The following ARK2C variants were observed in gnomAD, a reference collection of about 807,000 sequenced individuals.
ARK2C encodes the protein arkadia (RNF111) C-terminal like ring finger ubiquitin ligase 2C.
the ARK2C span, chr18:46,447,625 A>G: frequency 6.2e-7 from 1 of 1,613,978 alleles, no homozygotes; most frequent in Non-Finnish European, 8.5e-7. Context: ...ATCCCTCAGC[A>G]CTATCAGCAT....
the ARK2C span, among the ~76,000 whole-genome samples, chr18:46,394,279 G>A: frequency 7.9e-5 from 12 of 152,204 alleles, no homozygotes; most frequent in Admixed American, 2.6e-4. Flanking sequence ...GAGAGCCCTG[G>A]CCTGGGAATC....
At chr18:46,397,488 G>A in the ARK2C span, among the ~76,000 whole-genome samples, 3 of 120,936 alleles carry the variant, frequency 2.5e-5, no homozygotes, top group Non-Finnish European at 3.6e-5. Flanking sequence ...TGAGGTGTGA[G>A]GGTGTGTGTG....
the ARK2C span, among the ~76,000 whole-genome samples, chr18:46,454,123 A>G: frequency 7.3e-5 from 11 of 150,272 alleles, no homozygotes; most frequent in African/African-American, 2.5e-4. Context: ...AAAAAAAAAA[A>G]AAAAAAAAAA....
chr18:46,407,414 T>C, the ARK2C span, among the ~76,000 whole-genome samples: 2 of 152,232 alleles, frequency 1.3e-5, no homozygotes, highest in African/African-American at 2.4e-5. Flanking sequence ...TTGTGACATA[T>C]TGTCGTCATC....
chr18:46,436,760 C>G, the ARK2C span, among the ~76,000 whole-genome samples: 1 of 152,230 alleles, frequency 6.6e-6, no homozygotes, highest in African/African-American at 2.4e-5. Flanking sequence ...GCACTACAGC[C>G]AACTTCTGCC....
chr18:46,443,356 T>G, the ARK2C span, among the ~76,000 whole-genome samples: 1 of 152,208 alleles, frequency 6.6e-6, no homozygotes, highest in Non-Finnish European at 1.5e-5. Flanking sequence ...TTTACAATAT[T>G]CCTATTTAGC....
At chr18:46,456,163 G>A in the ARK2C span, 50 of 881,500 alleles carry the variant, frequency 5.7e-5, no homozygotes, top group East Asian at 1.2e-3. Flanking sequence ...CTGGGAGTTG[G>A]GGTGCTTGTT....
At chr18:46,359,867 C>A in the ARK2C span, among the ~76,000 whole-genome samples, 1 of 152,196 alleles carries the variant, frequency 6.6e-6, no homozygotes, top group Non-Finnish European at 1.5e-5. Context: ...AACTAAGGCA[C>A]TTCCTAGAAA....
chr18:46,339,531 G>C, the ARK2C span, among the ~76,000 whole-genome samples: 5 of 152,154 alleles, frequency 3.3e-5, no homozygotes, highest in African/African-American at 1.2e-4. Flanking sequence ...GAACTACAAG[G>C]CCATTGTTCT....
the ARK2C span, among the ~76,000 whole-genome samples, chr18:46,434,898 G>T: frequency 1.3e-5 from 2 of 152,138 alleles, no homozygotes; most frequent in African/African-American, 4.8e-5. Context: ...AGAAGAGCAT[G>T]ATGGGAGTAG....
the ARK2C span, among the ~76,000 whole-genome samples, chr18:46,370,909 A>G: frequency 1.3e-5 from 2 of 152,184 alleles, no homozygotes; most frequent in Non-Finnish European, 2.9e-5. Flanking sequence ...GGATGGGCAC[A>G]TTGTGGGAGA....
the ARK2C span, among the ~76,000 whole-genome samples, chr18:46,436,932 GC>G: frequency 6.6e-6 from 1 of 152,224 alleles, no homozygotes. Flanking sequence ...ACACACAAGG[GC>G]CTACAGGGAA....
the ARK2C span, among the ~76,000 whole-genome samples, chr18:46,367,011 A>G: frequency 6.6e-6 from 1 of 152,140 alleles, no homozygotes; most frequent in Non-Finnish European, 1.5e-5. Context: ...TTCATCGTAT[A>G]CTTAGTTTCC....
chr18:46,403,968 T>A, the ARK2C span, among the ~76,000 whole-genome samples: 1 of 152,144 alleles, frequency 6.6e-6, no homozygotes. Context: ...AGAAGCTCAT[T>A]CTTTAGGGGA....
the ARK2C span, among the ~76,000 whole-genome samples, chr18:46,367,238 A>C: frequency 6.6e-6 from 1 of 152,140 alleles, no homozygotes; most frequent in Admixed American, 6.5e-5. Flanking sequence ...TCCGCCTCCC[A>C]TCCTGGCTGT....
the ARK2C span, among the ~76,000 whole-genome samples, chr18:46,405,675 G>A: frequency 2.6e-5 from 4 of 152,122 alleles, no homozygotes; most frequent in Non-Finnish European, 5.9e-5. Context: ...GGAGGAGCAG[G>A]GCCCGGTAAA....
the ARK2C span, among the ~76,000 whole-genome samples, chr18:46,405,734 G>A: frequency 6.6e-6 from 1 of 152,082 alleles, no homozygotes; most frequent in Admixed American, 6.5e-5. Context: ...GGGCCATCCA[G>A]GATGGGTTGA....
the ARK2C span, among the ~76,000 whole-genome samples, chr18:46,401,558 T>C: frequency 6.6e-6 from 1 of 152,164 alleles, no homozygotes. Context: ...GGCCTGGTGG[T>C]GCCAAGACTG....
At chr18:46,348,040 A>T in the ARK2C span, among the ~76,000 whole-genome samples, 1 of 152,174 alleles carries the variant, frequency 6.6e-6, no homozygotes. Flanking sequence ...TGCCTTAAAA[A>T]TACTGAACCT....
Sources: gnomAD v4.1 joint callset for allele counts (sites outside exome capture counted in the v4.1 genomes callset) on GRCh38, gnomAD v4.1.1 for gene constraint, MANE v1.5 for transcripts, NCBI Gene and HGNC (gene_info 2026-07-23, HGNC 2026-07-21) for gene names.